Variants in KALRN observed in about 807,000 individuals in gnomAD.
KALRN encodes kalirin.
In KALRN, 70 loss-of-function variants were observed where a neutral mutation model predicts 353.7. That is an observed-to-expected ratio of 0.20 (90% confidence interval 0.16 to 0.24). The LOEUF (loss-of-function observed/expected upper bound fraction) is 0.24. KALRN is among the 10% of genes least tolerant of loss of function. The probability of loss-of-function intolerance (pLI) is 1.00; values close to 1 mark genes in which losing one functional copy is unlikely to be tolerated. For synonymous variants in KALRN, 1,391 were observed against 1,434.8 expected (o/e 0.97, Z 0.69); for missense variants, 2,791 against 3,756.7 (o/e 0.74, Z 6.72).
intron 5 of KALRN, among the ~76,000 whole-genome samples, chr3:124,272,110 A>C (rs760211757): frequency 2.6e-5 from 4 of 152,210 alleles, no homozygotes; most frequent in Non-Finnish European, 5.9e-5. Context: ...ATAGGATTAT[A>C]CCCAAGTAAT....
chr3:124,142,737 C>T (rs947066660), intron 1 of KALRN, among the ~76,000 whole-genome samples: 3 of 152,118 alleles, frequency 2.0e-5, no homozygotes, highest in Non-Finnish European at 2.9e-5. Flanking sequence ...CTCCAGCCTC[C>T]CCTCTTTCCA....
In KALRN at chr3:124,628,489, C is replaced by T. The variant is rs1019152353; in HGVS notation, c.5183-3931C>T. 4.4e-3 allele frequency among the ~76,000 whole-genome samples: 373 copies of T among 84,500 alleles called. 1 individual carries two copies. Among genetic ancestry groups the T allele is most frequent in the African/African-American group, 0.014 (350 of 25,070 alleles). 55.4% of individuals were successfully genotyped at this position (84,500 alleles called of 152,430 possible). A position where few individuals can be genotyped will look rare whatever the true frequency, so the allele number is the denominator to read the frequency against. On this transcript the variant is annotated intron_variant, in intron 34 of 59. Transcript: ENST00000682506. ...CCCTTCCTTCCCTTCCTTCCCTTCC[C>T]TCCCTTCCCTTCCTTCCCTTCCTTC...
intron 6 of KALRN, among the ~76,000 whole-genome samples, chr3:124,314,942 T>C (rs1456394581): frequency 6.6e-6 from 1 of 152,208 alleles, no homozygotes; most frequent in Non-Finnish European, 1.5e-5. Context: ...TGAGCCACCA[T>C]GCCCAGCCCA....
chr3:124,162,399 C>T (rs1450342967), intron 1 of KALRN: 1 of 152,180 alleles, frequency 6.6e-6, no homozygotes, highest in African/African-American at 2.4e-5. Flanking sequence ...CTTTTGGCCC[C>T]TCAACTTGAG....
chr3:124,636,606 G>C (rs2081376199), intron 36 of KALRN, among the ~76,000 whole-genome samples: 1 of 152,170 alleles, frequency 6.6e-6, no homozygotes. Flanking sequence ...AGGGGTAAGG[G>C]TGTATGTGTG....
chr3:124,160,384 G>T (rs1185885597), intron 1 of KALRN, among the ~76,000 whole-genome samples: 1 of 152,004 alleles, frequency 6.6e-6, no homozygotes, highest in Admixed American at 6.6e-5. Flanking sequence ...GAAGGAATCT[G>T]GTTAGAATGA....
At chr3:124,228,177 T>C (rs896809908) in intron 2 of KALRN, 113 bp downstream of exon 2, 15 of 874,750 alleles carry the variant, frequency 1.7e-5, no homozygotes, top group Non-Finnish European at 2.5e-5. Context: ...GGGGAAGTTA[T>C]GCTTGGGGCA....
intron 34 of KALRN, among the ~76,000 whole-genome samples, chr3:124,580,311 A>G (rs1359644437): frequency 1.5e-5 from 2 of 131,614 alleles, no homozygotes; most frequent in African/African-American, 2.9e-5. Context: ...CTTTTAAAAT[A>G]CTTGCGCCCA....
At chr3:124,075,486 T>TGTC (rs1336332897) in intron 1 of KALRN, among the ~76,000 whole-genome samples, 1 of 152,172 alleles carries the variant, frequency 6.6e-6, no homozygotes, top group Non-Finnish European at 1.5e-5. Context: ...ACCTTTGGGG[T>TGTC]TGACCTTGGC....
intron 1 of KALRN, among the ~76,000 whole-genome samples, chr3:124,128,720 G>T (rs1473515862): frequency 6.6e-6 from 1 of 152,130 alleles, no homozygotes. Flanking sequence ...TGAGCCTTCT[G>T]TAGGGGAGCA....
chr3:124,679,436 CTTCCTCATGCTGCCAAT>C lies in KALRN; in HGVS notation c.7318-21_7318-5del. ...TCTAACTGTGTTCTCTTTCTTCCCC[CTTCCTCATGCTGCCAAT>C]CAAGGAGACGAACAGTTCCGAGGAA... On this transcript the variant is annotated splice_region_variant and splice_polypyrimidine_tract_variant and intron_variant, in intron 50 of 59. Coordinates refer to ENST00000682506, the MANE Select transcript of KALRN (RefSeq NM_001388419.1). The C allele has an allele frequency of 6.2e-7, 1 of 1,609,310 alleles. No homozygotes were observed. The highest frequency in any genetic ancestry group is 1.1e-5 in the South Asian group (1 of 90,792).
At chr3:124,414,110 A>G (rs2092361710) in intron 14 of KALRN, among the ~76,000 whole-genome samples, 1 of 152,094 alleles carries the variant, frequency 6.6e-6, no homozygotes, top group South Asian at 2.1e-4. Flanking sequence ...AAAAAAAGAA[A>G]AGAAACGGAA....
intron 1 of KALRN, among the ~76,000 whole-genome samples, chr3:124,068,482 A>G (rs917817932): frequency 6.6e-6 from 1 of 152,144 alleles, no homozygotes; most frequent in Admixed American, 6.5e-5. Context: ...TTTTTTGCTG[A>G]GTGTGCTATA....
At chr3:124,271,018 A>G (rs2074109365) in intron 5 of KALRN, among the ~76,000 whole-genome samples, 2 of 151,414 alleles carry the variant, frequency 1.3e-5, no homozygotes, top group Admixed American at 1.3e-4. Context: ...TTTTTAGTAG[A>G]GACGGGGTTT....
rs1315432437 is a variant in KALRN at position 124,725,998 on chromosome 3, A to G, written c.*6528A>G. The G allele has an allele frequency of 2.6e-5, 4 of 152,250 alleles. No individual in the cohort carries two copies. The highest frequency in any genetic ancestry group is 9.6e-5 in the African/African-American group (4 of 41,464). The allele number at this position is 152,250 out of a possible 1,614,324, so 9.4% of individuals were successfully genotyped here. A position where few individuals can be genotyped will look rare whatever the true frequency, so the allele number is the denominator to read the frequency against. ...CTCCACAGTATTGATAAATAGCTCT[A>G]TATTTTCAAGGTGCAGAAGAATTCC... On this transcript the variant is annotated 3_prime_UTR_variant, in exon 60 of 60. Transcript: ENST00000682506.
At chr3:124,336,969 G>A (rs1315794340) in intron 9 of KALRN, among the ~76,000 whole-genome samples, 1 of 151,968 alleles carries the variant, frequency 6.6e-6, no homozygotes, top group Non-Finnish European at 1.5e-5. Flanking sequence ...TGTGATTTTT[G>A]CACATTCCAG....
At chr3:124,682,900 G>A (rs780556705) in intron 51 of KALRN, among the ~76,000 whole-genome samples, 1 of 152,104 alleles carries the variant, frequency 6.6e-6, no homozygotes, top group Non-Finnish European at 1.5e-5. Context: ...AGCAGTACAT[G>A]CCACACCAAT....
intron 33 of KALRN, among the ~76,000 whole-genome samples, chr3:124,525,335 T>A (rs552232245): frequency 3.4e-4 from 52 of 152,326 alleles, no homozygotes; most frequent in African/African-American, 1.3e-3. Context: ...GGATGTCCAG[T>A]GATTCTGTTA....
chr3:124,134,104 G>C (rs531023937), intron 1 of KALRN, among the ~76,000 whole-genome samples: 2 of 152,064 alleles, frequency 1.3e-5, no homozygotes, highest in African/African-American at 2.4e-5. Context: ...TAAATCTGGA[G>C]GTATCACACT....
Sources: gnomAD v4.1 joint callset for allele counts (sites outside exome capture counted in the v4.1 genomes callset) on GRCh38, gnomAD v4.1.1 for gene constraint, MANE v1.5 for transcripts, NCBI Gene and HGNC (gene_info 2026-07-23, HGNC 2026-07-21) for gene names.